The following F2RL1 variants were observed in gnomAD, a reference collection of about 807,000 sequenced individuals.
F2RL1 encodes the protein F2R like trypsin receptor 1.
A neutral mutation model predicts 21.7 loss-of-function variants in F2RL1; 16 were observed. The ratio of observed to expected loss-of-function variants is 0.74; its 90% CI spans 0.50 to 1.12. F2RL1 has a LOEUF of 1.12. Among genes scored for constraint, F2RL1 ranks in the 50% most tolerant of loss-of-function variants. The pLI, the probability that F2RL1 is intolerant of heterozygous loss-of-function variation, is 0.00. For synonymous variants in F2RL1, 181 were observed against 186.7 expected, an observed-to-expected ratio of 0.97 and a Z score of 0.25; for missense variants, 432 against 477.8, an observed-to-expected ratio of 0.90 and a Z score of 0.89.
At chr5:76,827,480 C>CAG (rs549169239) in intron 1 of F2RL1, among the ~76,000 whole-genome samples, 1,846 of 151,110 alleles carry the variant, frequency 0.012, 52 homozygotes, top group African/African-American at 0.043. Flanking sequence ...GCCTGGGCGA[C>CAG]AGCGAGACTC....
chr5:76,827,043 G>A (rs1040384459), intron 1 of F2RL1, among the ~76,000 whole-genome samples: 2 of 151,824 alleles, frequency 1.3e-5, no homozygotes, highest in African/African-American at 4.8e-5. Context: ...TAGAGATGGG[G>A]TTCTGCTCTG....
intron 1 of F2RL1, among the ~76,000 whole-genome samples, chr5:76,823,378 T>G (rs886210500): frequency 5.3e-5 from 8 of 149,884 alleles, no homozygotes; most frequent in Admixed American, 1.3e-4. Context: ...TGGTTTTTTT[T>G]TTTTTTTTTT....
intron 1 of F2RL1, among the ~76,000 whole-genome samples, chr5:76,829,135 T>C (rs1750300810): frequency 6.6e-6 from 1 of 152,006 alleles, no homozygotes; most frequent in Non-Finnish European, 1.5e-5. Context: ...AACAAGTTAT[T>C]TTTATGGTTT....
At chr5:76,827,683 T>G (rs927158339) in intron 1 of F2RL1, among the ~76,000 whole-genome samples, 1 of 131,960 alleles carries the variant, frequency 7.6e-6, no homozygotes, top group African/African-American at 2.9e-5. Flanking sequence ...CACTGCAACC[T>G]CCGCCTCCCA....
intron 1 of F2RL1, among the ~76,000 whole-genome samples, chr5:76,832,008 TAAA>T (rs1295112161): frequency 7.5e-6 from 1 of 133,188 alleles, no homozygotes; most frequent in Admixed American, 7.5e-5. Context: ...ACCCCATCTC[TAAA>T]AAAAAAAAAA....
rs1382585259 is a variant in F2RL1 at position 76,819,107 on chromosome 5, G to A, written c.-76G>A. ...GGTGAGAGGCTGACTTTCTCTCGGT[G>A]CGTCCAGTGGAGCTCTGAGTTTCGA... On this transcript the variant is annotated 5_prime_UTR_variant, in exon 1 of 2. Coordinates refer to ENST00000296677, the MANE Select transcript of F2RL1 (RefSeq NM_005242.6). 3 of 1,203,042 alleles carry A rather than the reference G, an allele frequency of 2.5e-6. No individual in the cohort carries two copies. The highest frequency in any genetic ancestry group is 2.6e-5 in the South Asian group (2 of 76,068). 74.5% of individuals were successfully genotyped at this position (1,203,042 alleles called of 1,614,324 possible).
rs1750410822 is a variant in F2RL1 at position 76,833,981 on chromosome 5, C to T, written c.*180C>T. ...TGAGAAAAGTAGTCCCCCAAATTAA[C>T]ATCAGTGTCTGTTTCAGAATCTCTC... On this transcript the variant is annotated 3_prime_UTR_variant, in exon 2 of 2. Transcript: ENST00000296677. The T allele has an allele frequency of 1.7e-6, 1 of 592,914 alleles. No homozygotes were observed. Among genetic ancestry groups the T allele is most frequent in the Non-Finnish European group, 2.9e-6 (1 of 347,650 alleles). The allele number at this position is 592,914 out of a possible 1,614,324, so 36.7% of individuals were successfully genotyped here.
intron 1 of F2RL1, among the ~76,000 whole-genome samples, chr5:76,828,104 G>T (rs753399608): frequency 1.2e-4 from 19 of 152,158 alleles, no homozygotes; most frequent in Middle Eastern, 6.8e-3. Context: ...AAGTTGCTGG[G>T]ATTATAGGTG....
chr5:76,829,352 C>T (rs529581052), intron 1 of F2RL1, among the ~76,000 whole-genome samples: 3 of 151,320 alleles, frequency 2.0e-5, no homozygotes. Context: ...CTGCTTTGGC[C>T]TCTCAAAGTG....
At chr5:76,831,843 A>G (rs1041027023) in intron 1 of F2RL1, among the ~76,000 whole-genome samples, 17 of 152,102 alleles carry the variant, frequency 1.1e-4, no homozygotes, top group African/African-American at 4.1e-4. Flanking sequence ...AAATTTTACT[A>G]ATTGATAAAT....
Position 76,833,230 on chromosome 5 carries a change from C to G in F2RL1, c.623C>G (p.Pro208Arg). The G allele has an allele frequency of 6.2e-7, 1 of 1,613,760 alleles. No individual in the cohort carries two copies. The highest frequency in any genetic ancestry group is 8.5e-7 in the Non-Finnish European group (1 of 1,179,982). The change falls in exon 2 of 2, where the codon CCT becomes CGT. Residue 208 changes from proline to arginine, a missense_variant. Coordinates refer to ENST00000296677, the MANE Select transcript of F2RL1 (RefSeq NM_005242.6). ...IWLLILLVTI[P>R]LYVVKQTIFI... is the part of the protein sequence containing the mutation. ...CTGCTGATTCTGCTGGTCACCATTC[C>G]TTTGTATGTCGTGAAGCAGACCATC... is the stretch of plus-strand genomic sequence containing the variant.
intron 1 of F2RL1, among the ~76,000 whole-genome samples, chr5:76,824,988 CA>C: frequency 6.7e-6 from 1 of 149,984 alleles, no homozygotes; most frequent in Non-Finnish European, 1.5e-5. Flanking sequence ...TCAGATTTTG[CA>C]AATTGTACAT....
At position 76,834,623 on chromosome 5, in the gene F2RL1, TG is replaced by T. The variant is rs1215474356; in HGVS notation, c.*825del. 6.6e-6 allele frequency: 1 copy of T among 152,132 alleles called. No individual in the cohort carries two copies. Among genetic ancestry groups the T allele is most frequent in the African/African-American group, 2.4e-5 (1 of 41,424 alleles). The allele number at this position is 152,132 out of a possible 1,614,324, so 9.4% of individuals were successfully genotyped here. On this transcript the variant is annotated 3_prime_UTR_variant, in exon 2 of 2. Transcript: ENST00000296677. ...GAGATTGCACCACTGCACTCCAGCT[TG>T]GGTGATAAAATAAAATAAAATAGTC...
chr5:76,820,810 T>A (rs1750119100), intron 1 of F2RL1, among the ~76,000 whole-genome samples: 1 of 152,200 alleles, frequency 6.6e-6, no homozygotes, highest in African/African-American at 2.4e-5. Context: ...TCAGGTTACT[T>A]GTTAACTATA....
intron 1 of F2RL1, among the ~76,000 whole-genome samples, chr5:76,829,761 A>G (rs1750317679): frequency 6.6e-6 from 1 of 152,230 alleles, no homozygotes; most frequent in South Asian, 2.1e-4. Context: ...CACCCTATGT[A>G]ATAAGAATAA....
In F2RL1 at chr5:76,829,286, G is replaced by A. The variant is rs574981489; in HGVS notation, c.83-3404G>A. ...TTCTTTTTTTTTTTTTTGAAGAGAT[G>A]GCATTGTGCTATGTTGCCCTGGCTG... On this transcript the variant is annotated intron_variant, in intron 1 of 1. Transcript: ENST00000296677. Among the ~76,000 whole-genome samples, 161 of 138,732 alleles carry A rather than the reference G, an allele frequency of 1.2e-3. 1 individual carries two copies. Among genetic ancestry groups the A allele is most frequent in the African/African-American group, 4.1e-3 (152 of 37,188 alleles). 91.0% of individuals were successfully genotyped at this position (138,732 alleles called of 152,430 possible). A position where few individuals can be genotyped will look rare whatever the true frequency, so the allele number is the denominator to read the frequency against.
chr5:76,832,564 G>C lies in F2RL1; in HGVS notation c.83-126G>C, dbSNP rs1429825120. 16 of 976,162 alleles carry C rather than the reference G, an allele frequency of 1.6e-5. No homozygotes were observed. The South Asian group carries it at 2.4e-4, about 15-fold the overall frequency. 60.5% of individuals were successfully genotyped at this position (976,162 alleles called of 1,614,324 possible). A position where few individuals can be genotyped will look rare whatever the true frequency, so the allele number is the denominator to read the frequency against. Reference sequence around the variant, plus strand: ...ATCGCTCCACTACGCTCCAGCCTGGGTGACAGCGAGACCCTGTCTCATAAA... The same window carrying C: ...ATCGCTCCACTACGCTCCAGCCTGGCTGACAGCGAGACCCTGTCTCATAAA... On this transcript the variant is annotated intron_variant, in intron 1 of 1. Transcript: ENST00000296677.
At chr5:76,822,183 A>T (rs1196322701) in intron 1 of F2RL1, among the ~76,000 whole-genome samples, 3 of 152,186 alleles carry the variant, frequency 2.0e-5, no homozygotes, top group African/African-American at 4.8e-5. Flanking sequence ...ATCAATTTTA[A>T]AATTAGTCCT....
intron 1 of F2RL1, among the ~76,000 whole-genome samples, chr5:76,823,779 C>T (rs1750185613): frequency 1.3e-5 from 2 of 149,796 alleles, no homozygotes; most frequent in Admixed American, 6.7e-5. Flanking sequence ...TTTACCTAAT[C>T]GATTCATAGT....
Sources: allele counts gnomAD v4.1 joint callset (sites outside exome capture counted in the v4.1 genomes callset), GRCh38; gene constraint gnomAD v4.1.1; transcripts MANE v1.5; gene names NCBI Gene and HGNC (gene_info 2026-07-23, HGNC 2026-07-21).